The following KAZN variants were observed in gnomAD, a reference collection of about 807,000 sequenced individuals.
KAZN encodes kazrin, periplakin interacting protein.
A neutral mutation model predicts 87.4 loss-of-function variants in KAZN; 40 were observed. The ratio of observed to expected loss-of-function variants is 0.46; its 90% CI spans 0.36 to 0.60. KAZN has a LOEUF of 0.60. KAZN is among the 20% of genes least tolerant of loss of function. The pLI is 0.00. For missense variants in KAZN, 898 were observed against 1,073.9 expected (o/e 0.84, Z 2.29); for synonymous variants, 466 against 458.3 (o/e 1.02, Z -0.22).
At chr1:14,060,399 G>T (rs897159244) in intron 1 of KAZN, among the ~76,000 whole-genome samples, 2 of 149,352 alleles carry the variant, frequency 1.3e-5, no homozygotes, top group Non-Finnish European at 3.0e-5. Context: ...AGGGTTTCAT[G>T]TTCCCTACTT....
intron 1 of KAZN, among the ~76,000 whole-genome samples, chr1:14,619,574 C>T (rs1678530852): frequency 6.6e-6 from 1 of 152,172 alleles, no homozygotes; most frequent in African/African-American, 2.4e-5. Context: ...TTAAAATGTG[C>T]AATTCACTGG....
intron 1 of KAZN, among the ~76,000 whole-genome samples, chr1:14,626,219 G>A (rs1181023354): frequency 6.6e-6 from 1 of 152,182 alleles, no homozygotes; most frequent in Non-Finnish European, 1.5e-5. Flanking sequence ...CGGAATTAAT[G>A]ACTTCTGGCT....
At position 15,066,929 on chromosome 1, in the gene KAZN, A is replaced by G. The variant is rs894077569; in HGVS notation, c.1222+1176A>G. On this transcript the variant is annotated intron_variant, in intron 8 of 14. Transcript: ENST00000376030. The surrounding 1 kb of genome is among the most constrained non-coding windows in gnomAD (Gnocchi z 4.3). ...TATATTTATTTATCTGACATACAGA[A>G]CACGACTTTAGTGAGCAGAGTGCTG... 14 of 985,346 alleles carry G rather than the reference A, an allele frequency of 1.4e-5. No individual in the cohort carries two copies. Among genetic ancestry groups the G allele is most frequent in the Non-Finnish European group, 1.6e-5 (13 of 829,960 alleles). 61.0% of individuals were successfully genotyped at this position (985,346 alleles called of 1,614,324 possible). A position where few individuals can be genotyped will look rare whatever the true frequency, so the allele number is the denominator to read the frequency against.
intron 1 of KAZN, among the ~76,000 whole-genome samples, chr1:13,946,911 G>T (rs971932389): frequency 6.6e-6 from 1 of 152,136 alleles, no homozygotes; most frequent in Non-Finnish European, 1.5e-5. Flanking sequence ...ATTCTTTCAT[G>T]GTTCTGGAAG....
chr1:14,980,326 G>A (rs973193411), intron 2 of KAZN, among the ~76,000 whole-genome samples: 1 of 152,204 alleles, frequency 6.6e-6, no homozygotes, highest in African/African-American at 2.4e-5. Context: ...TTGGGAGAGT[G>A]GGAGTCAACA....
intron 1 of KAZN, among the ~76,000 whole-genome samples, chr1:14,952,240 CTGTGTGTGTGTGTGTGTGTG>C (rs56104480): frequency 6.9e-6 from 1 of 143,916 alleles, no homozygotes; most frequent in Non-Finnish European, 1.5e-5. Flanking sequence ...TTCTTTCCCA[CTGTGTGTGTGTGTGTGTGTG>C]TGTGTGTGTG....
rs1008992565 is a variant in KAZN, at chr1:15,021,655, G to T, written c.419-13094G>T. Reference sequence around the variant, plus strand: ...CTGAGCCGGGGTGGTGGCAGGGACAGTGTGCCCTGCGTGCAGTTAGCACCC... The same window carrying T: ...CTGAGCCGGGGTGGTGGCAGGGACATTGTGCCCTGCGTGCAGTTAGCACCC... On this transcript the variant is annotated intron_variant, in intron 2 of 14. Transcript: ENST00000376030. This position sits in a 1 kb window ranked among gnomAD's most constrained non-coding sequence, Gnocchi z 4.2. Among the ~76,000 whole-genome samples, 1 of 152,206 alleles carries T rather than the reference G, an allele frequency of 6.6e-6. No individual in the cohort carries two copies. Among genetic ancestry groups the T allele is most frequent in the Non-Finnish European group, 1.5e-5 (1 of 68,032 alleles).
At chr1:14,647,575 C>T (rs1219670004) in intron 1 of KAZN, among the ~76,000 whole-genome samples, 1 of 152,144 alleles carries the variant, frequency 6.6e-6, no homozygotes, top group Non-Finnish European at 1.5e-5. Context: ...AATGATAGAA[C>T]AGGCTGCAGT....
At chr1:14,671,242 A>C (rs539294631) in intron 1 of KAZN, among the ~76,000 whole-genome samples, 1 of 152,338 alleles carries the variant, frequency 6.6e-6, no homozygotes, top group East Asian at 1.9e-4. Context: ...TACATGTCTT[A>C]CTTACAGCAT....
chr1:14,397,715 G>A (rs1055388586), intron 2 of KAZN, among the ~76,000 whole-genome samples: 17 of 151,952 alleles, frequency 1.1e-4, no homozygotes, highest in Non-Finnish European at 8.8e-5. Flanking sequence ...AAAAAAATTA[G>A]CTGGGCGTGG....
At chr1:15,067,020 GCC>G (rs1639270817) in intron 8 of KAZN, 12 of 985,590 alleles carry the variant, frequency 1.2e-5, no homozygotes, top group Non-Finnish European at 1.4e-5. Context: ...AAGACAGCCT[GCC>G]ACACATCCAA....
chr1:14,127,086 A>G (rs1644888121), intron 1 of KAZN, among the ~76,000 whole-genome samples: 1 of 143,776 alleles, frequency 7.0e-6, no homozygotes, highest in South Asian at 2.3e-4. Flanking sequence ...AGCCTGGGTG[A>G]CAGAATGCGA....
Position 15,052,129 on chromosome 1 carries a change from A to ATGTGTG in KAZN, c.727-3956_727-3951dup, listed in dbSNP as rs548424075. Reference sequence around the variant, plus strand: ...ATTGCCACAGGAGAGGATCTAATGCATGTGTGTGTGTACGTGTGTGTATGT... The same window carrying ATGTGTG: ...ATTGCCACAGGAGAGGATCTAATGCATGTGTGTGTGTGTGTGTACGTGTGTGTATGT... On this transcript the variant is annotated intron_variant, in intron 4 of 14. Transcript: ENST00000376030. 3.3e-3 allele frequency among the ~76,000 whole-genome samples: 504 copies of ATGTGTG among 152,144 alleles called. 3 individuals are homozygous for ATGTGTG. In the South Asian group the frequency reaches 0.042, roughly 13 times the overall value.
At chr1:14,169,528 GAGCAC>G (rs1557532348) in intron 1 of KAZN, among the ~76,000 whole-genome samples, 1 of 152,190 alleles carries the variant, frequency 6.6e-6, no homozygotes, top group Non-Finnish European at 1.5e-5. Flanking sequence ...GTCCTAGGTT[GAGCAC>G]ACACAGGGGT....
chr1:14,871,754 GGCATA>G (rs766278707), intron 1 of KAZN, among the ~76,000 whole-genome samples: 18 of 151,886 alleles, frequency 1.2e-4, no homozygotes, highest in Non-Finnish European at 1.9e-4. Flanking sequence ...AAGGCCTGAA[GGCATA>G]GTATCCTGAT....
At chr1:14,552,906 G>C (rs1042614160) in intron 2 of KAZN, among the ~76,000 whole-genome samples, 1 of 152,134 alleles carries the variant, frequency 6.6e-6, no homozygotes, top group African/African-American at 2.4e-5. Context: ...AGACAATAAG[G>C]CTGGTGGGGA....
chr1:14,557,089 C>T (rs993941346), intron 2 of KAZN, among the ~76,000 whole-genome samples: 10 of 152,012 alleles, frequency 6.6e-5, no homozygotes, highest in African/African-American at 9.7e-5. Flanking sequence ...ATGAAAAAAA[C>T]GAAATCTGCC....
chr1:14,343,147 AAAAC>A (rs150163006), intron 2 of KAZN, among the ~76,000 whole-genome samples: 7,318 of 152,158 alleles, frequency 0.048, 340 homozygotes, highest in East Asian at 0.2. Context: ...ACTCCATCTC[AAAAC>A]AAACAAACAA....
chr1:15,064,246 G>A (rs927888308), intron 7 of KAZN, among the ~76,000 whole-genome samples: 1 of 152,090 alleles, frequency 6.6e-6, no homozygotes, highest in Non-Finnish European at 1.5e-5. Flanking sequence ...TCTAGTCCTG[G>A]GCTCCCCACC....
Sources: gnomAD v4.1 joint callset for allele counts (sites outside exome capture counted in the v4.1 genomes callset) on GRCh38, gnomAD v4.1.1 for gene constraint, Gnocchi (gnomAD v3.1) non-coding constraint, MANE v1.5 for transcripts, NCBI Gene and HGNC (gene_info 2026-07-23, HGNC 2026-07-21) for gene names.